The following ERBB4 variants were observed in gnomAD, a reference collection of about 807,000 sequenced individuals.
ERBB4 encodes erb-b2 receptor tyrosine kinase 4, also known as receptor tyrosine-protein kinase erbB-4.
In ERBB4, 42 loss-of-function variants were observed where a neutral mutation model predicts 158.0. The observed-to-expected ratio is 0.27, with a 90% CI of 0.21 to 0.34. The LOEUF (loss-of-function observed/expected upper bound fraction) is 0.34. Among genes scored for constraint, ERBB4 ranks in the 10% least tolerant of loss-of-function variants. The pLI, the probability that ERBB4 is intolerant of heterozygous loss-of-function variation, is 1.00. For missense variants in ERBB4, 1,333 were observed against 1,624.1 expected, an observed-to-expected ratio of 0.82 and a Z score of 3.08; for synonymous variants, 583 against 558.7, an observed-to-expected ratio of 1.04 and a Z score of -0.61.
intron 1 of ERBB4, among the ~76,000 whole-genome samples, chr2:212,267,478 G>C (rs2085179395): frequency 6.6e-6 from 1 of 151,656 alleles, no homozygotes; most frequent in Non-Finnish European, 1.5e-5. Context: ...TTATTTTAGT[G>C]TATACTTTTC....
At chr2:212,239,907 T>A (rs1377613772) in intron 1 of ERBB4, among the ~76,000 whole-genome samples, 2 of 152,160 alleles carry the variant, frequency 1.3e-5, no homozygotes, top group Non-Finnish European at 2.9e-5. Flanking sequence ...TCGAAAATAT[T>A]GTTATACATT....
chr2:211,507,743 G>C (rs1025185869), intron 20 of ERBB4, among the ~76,000 whole-genome samples: 18 of 152,062 alleles, frequency 1.2e-4, no homozygotes, highest in Admixed American at 7.9e-4. Flanking sequence ...ATACTATAAG[G>C]CTACAGTAAC....
intron 3 of ERBB4, among the ~76,000 whole-genome samples, chr2:211,883,465 A>T (rs935358933): frequency 3.3e-4 from 50 of 152,166 alleles, no homozygotes; most frequent in African/African-American, 1.2e-3. Context: ...ATAATAATAA[A>T]AATAAAATTA....
chr2:211,429,281 A>G (rs887039003), intron 21 of ERBB4, among the ~76,000 whole-genome samples: 5 of 152,186 alleles, frequency 3.3e-5, no homozygotes, highest in African/African-American at 1.2e-4. Flanking sequence ...GACTCTTTCT[A>G]TACTTGCCCC....
chr2:212,334,908 G>A (rs2088353587), intron 1 of ERBB4, among the ~76,000 whole-genome samples: 2 of 151,990 alleles, frequency 1.3e-5, no homozygotes, highest in Admixed American at 6.6e-5. Context: ...TCATTTCAGT[G>A]CTCATATTTC....
intron 1 of ERBB4, among the ~76,000 whole-genome samples, chr2:212,508,438 T>C (rs558998859): frequency 6.9e-4 from 105 of 152,308 alleles, no homozygotes; most frequent in Admixed American, 2.4e-3. Flanking sequence ...TGTGTTATAA[T>C]TTAGAGGTCA....
At chr2:211,615,669 A>G (rs1206580960) in intron 19 of ERBB4, among the ~76,000 whole-genome samples, 1 of 152,066 alleles carries the variant, frequency 6.6e-6, no homozygotes, top group Admixed American at 6.6e-5. Context: ...TTTTTTGCCT[A>G]TGGTAAAAAT....
rs1342931874 is a variant in ERBB4, at chr2:211,379,547, A to ACATTTTTATATCCTG, written c.*4053_*4067dup. ...CTTTTTACTATGCAAAATCCATCCT[A>ACATTTTTATATCCTG]CATTTTTATATCCTGCATTTAACTT... On this transcript the variant is annotated 3_prime_UTR_variant, in exon 28 of 28. Coordinates refer to ENST00000342788, the MANE Select transcript of ERBB4 (RefSeq NM_005235.3). The ACATTTTTATATCCTG allele has an allele frequency of 8.7e-6, 2 of 230,974 alleles. No homozygotes were observed. The highest frequency in any genetic ancestry group is 4.4e-5 in the African/African-American group (2 of 45,234). The allele number at this position is 230,974 out of a possible 1,614,324, so 14.3% of individuals were successfully genotyped here. A position where few individuals can be genotyped will look rare whatever the true frequency, so the allele number is the denominator to read the frequency against.
chr2:211,660,909 GATC>G (rs1203202676), intron 15 of ERBB4, among the ~76,000 whole-genome samples: 1 of 152,168 alleles, frequency 6.6e-6, no homozygotes, highest in African/African-American at 2.4e-5. Flanking sequence ...AAGAGGCGGT[GATC>G]ATCAGTGTGA....
At chr2:211,661,504 CTG>C (rs1252473815) in intron 15 of ERBB4, among the ~76,000 whole-genome samples, 1 of 152,122 alleles carries the variant, frequency 6.6e-6, no homozygotes, top group African/African-American at 2.4e-5. Flanking sequence ...GAATATTAAA[CTG>C]TGTTTAACCT....
At chr2:211,771,717 T>C (rs1301639031) in intron 4 of ERBB4, among the ~76,000 whole-genome samples, 3 of 152,186 alleles carry the variant, frequency 2.0e-5, no homozygotes, top group Non-Finnish European at 4.4e-5. Flanking sequence ...GAAGTGTGTG[T>C]GTATGTGTGT....
intron 1 of ERBB4, among the ~76,000 whole-genome samples, chr2:212,448,669 G>T (rs2092400291): frequency 6.6e-6 from 1 of 152,052 alleles, no homozygotes; most frequent in Non-Finnish European, 1.5e-5. Flanking sequence ...CATCCTAGGA[G>T]AAACCAGGGA....
At chr2:211,899,909 A>G (rs1219972053) in intron 3 of ERBB4, among the ~76,000 whole-genome samples, 1 of 152,178 alleles carries the variant, frequency 6.6e-6, no homozygotes, top group Non-Finnish European at 1.5e-5. Flanking sequence ...ATTAATATCT[A>G]AAATTGGAAT....
At chr2:212,507,793 T>C (rs1405763372) in intron 1 of ERBB4, among the ~76,000 whole-genome samples, 1 of 152,170 alleles carries the variant, frequency 6.6e-6, no homozygotes, top group Non-Finnish European at 1.5e-5. Context: ...ATAAACATGG[T>C]TGAAATGACA....
At chr2:212,390,032 T>A (rs1298626391) in intron 1 of ERBB4, among the ~76,000 whole-genome samples, 2 of 151,846 alleles carry the variant, frequency 1.3e-5, no homozygotes, top group African/African-American at 4.8e-5. Context: ...GAGTAAATGA[T>A]TTTCCTCCTT....
chr2:211,581,226 T>A (rs1314703845), intron 19 of ERBB4, among the ~76,000 whole-genome samples: 1 of 151,488 alleles, frequency 6.6e-6, no homozygotes, highest in East Asian at 2.0e-4. Flanking sequence ...AAGAACTTAC[T>A]CATGTAACAA....
intron 20 of ERBB4, among the ~76,000 whole-genome samples, chr2:211,462,426 C>T (rs539360890): frequency 1.3e-3 from 202 of 152,188 alleles, no homozygotes; most frequent in Non-Finnish European, 2.5e-3. Context: ...AATGGAAATA[C>T]AAGTGAAAGT....
At chr2:211,457,380 T>C (rs2064409478) in intron 20 of ERBB4, among the ~76,000 whole-genome samples, 1 of 152,244 alleles carries the variant, frequency 6.6e-6, no homozygotes, top group African/African-American at 2.4e-5. Context: ...TCTTGCATTG[T>C]ACATTTGATG....
intron 1 of ERBB4, among the ~76,000 whole-genome samples, chr2:212,276,578 T>C (rs1277330358): frequency 6.6e-6 from 1 of 151,788 alleles, no homozygotes; most frequent in Non-Finnish European, 1.5e-5. Flanking sequence ...ACAGAGATTA[T>C]GGTCAACAGT....
Sources: allele counts gnomAD v4.1 joint callset (sites outside exome capture counted in the v4.1 genomes callset), GRCh38; gene constraint gnomAD v4.1.1; transcripts MANE v1.5; gene names NCBI Gene and HGNC (gene_info 2026-07-23, HGNC 2026-07-21).